IL5RA: variants seen among roughly 807,000 people sequenced by gnomAD.
The protein encoded by IL5RA is interleukin 5 receptor subunit alpha.
IL5RA carries 49 observed loss-of-function variants against 50.0 expected under a neutral mutation model. That is an observed-to-expected ratio of 0.98 (90% CI 0.78 to 1.24). The LOEUF is 1.24. Ranked by LOEUF, IL5RA falls within the 50% of genes most tolerant of loss-of-function variation. The pLI, the probability that IL5RA is intolerant of heterozygous loss-of-function variation, is 0.00. For missense variants in IL5RA, 600 were observed against 500.4 expected, an observed-to-expected ratio of 1.20 and a Z score of -1.90; for synonymous variants, 202 against 174.0, an observed-to-expected ratio of 1.16 and a Z score of -1.26.
At chr3:3,102,918 C>G (rs1703723327) in intron 3 of IL5RA, 98 bp from the exon 4 acceptor site, 2 of 902,620 alleles carry the variant, frequency 2.2e-6, no homozygotes, top group Non-Finnish European at 1.6e-6. Context: ...CAGATGCTGT[C>G]CTGGACCTGC....
At chr3:3,071,145 A>AT (rs2125947354) in intron 11 of IL5RA, among the ~76,000 whole-genome samples, 1 of 152,286 alleles carries the variant, frequency 6.6e-6, no homozygotes, top group East Asian at 1.9e-4. Context: ...CATCCAAAAT[A>AT]TTTTTTACTA....
rs1167632365 is a variant in IL5RA at position 3,091,354 on chromosome 3, A to G, written c.994+870T>C. ...TAAAAGTGTAACAAGTGATGATGCA[A>G]CTGCTCTGTATCTTGACTGTGGTGA... On this transcript the variant is annotated intron_variant, in intron 9 of 11. Transcript: ENST00000446632. Among the ~76,000 whole-genome samples the G allele has an allele frequency of 3.9e-5, 6 of 152,228 alleles. No homozygotes were observed. The East Asian group carries it at 1.2e-3, about 29-fold the overall frequency.
At chr3:3,099,224 C>CGGTG (rs1703516164) in intron 5 of IL5RA, among the ~76,000 whole-genome samples, 1 of 152,160 alleles carries the variant, frequency 6.6e-6, no homozygotes, top group Non-Finnish European at 1.5e-5. Context: ...TGGCCAGGCA[C>CGGTG]GGTGCTCATG....
At chr3:3,071,165 C>CA (rs1209895884) in intron 11 of IL5RA, among the ~76,000 whole-genome samples, 1 of 152,238 alleles carries the variant, frequency 6.6e-6, no homozygotes, top group African/African-American at 2.4e-5. Flanking sequence ...ATCTGCTCCA[C>CA]ACTAGCCACA....
chr3:3,091,982 G>GA (rs1016843059), intron 9 of IL5RA: 60 of 1,212,764 alleles, frequency 4.9e-5, no homozygotes, highest in South Asian at 4.6e-4. Context: ...ACAAAACTTG[G>GA]AAAAAAAACA....
chr3:3,096,278 C>CA (rs1553752099), intron 7 of IL5RA, among the ~76,000 whole-genome samples: 2,513 of 108,444 alleles, frequency 0.023, 29 homozygotes, highest in South Asian at 0.031. Flanking sequence ...AAATCTGTCT[C>CA]AAAAAAAAAA....
At chr3:3,103,113 C>T (rs1348399771) in intron 3 of IL5RA, 2 of 198,086 alleles carry the variant, frequency 1.0e-5, no homozygotes, top group Non-Finnish European at 2.0e-5. Flanking sequence ...GAACTCCTAA[C>T]TTCAAATGAT....
chr3:3,086,299 G>A (rs182823289), intron 9 of IL5RA, among the ~76,000 whole-genome samples: 19 of 152,238 alleles, frequency 1.2e-4, no homozygotes, highest in East Asian at 3.9e-4. Flanking sequence ...CATGGATGGC[G>A]GGAAGAAGAG....
rs963621610 is a variant in IL5RA at position 3,068,539 on chromosome 3, C to T, written c.*1686G>A. On this transcript the variant is annotated 3_prime_UTR_variant, in exon 12 of 12. Transcript: ENST00000446632. ...GTAGTGAGCTAAGATCACATCACTA[C>T]ACTCTAGCCTGGGAGACAGAACAAG... 7.1e-6 allele frequency: 1 copy of T among 141,654 alleles called. No homozygotes were observed. The highest frequency in any genetic ancestry group is 1.5e-5 in the Non-Finnish European group (1 of 66,684). 8.8% of individuals were successfully genotyped at this position (141,654 alleles called of 1,614,324 possible). A position where few individuals can be genotyped will look rare whatever the true frequency, so the allele number is the denominator to read the frequency against.
intron 9 of IL5RA, among the ~76,000 whole-genome samples, chr3:3,077,890 T>G (rs903700930): frequency 6.6e-6 from 1 of 152,246 alleles, no homozygotes; most frequent in African/African-American, 2.4e-5. Flanking sequence ...GTCATCTCCC[T>G]GAATATGAGT....
In IL5RA at chr3:3,092,056, T is replaced by G. The variant is rs1342673906; in HGVS notation, c.994+168A>C. The G allele has an allele frequency of 2.9e-6, 4 of 1,380,754 alleles. No individual in the cohort carries two copies. The Admixed American group carries it at 1.3e-4, about 45-fold the overall frequency. The allele number at this position is 1,380,754 out of a possible 1,614,324, so 85.5% of individuals were successfully genotyped here. ...TAGACACTTAAAAACTTCACTGGCTTCATGGCAAATCTATTCCTGATTGAA... is the reference window on the plus strand; with the variant it reads ...TAGACACTTAAAAACTTCACTGGCTGCATGGCAAATCTATTCCTGATTGAA... On this transcript the variant is annotated intron_variant, in intron 9 of 11. Transcript: ENST00000446632. The surrounding 1 kb of genome is among the most constrained non-coding windows in gnomAD (Gnocchi z 4.2).
chr3:3,089,957 G>A, intron 9 of IL5RA: 1 of 414,698 alleles, frequency 2.4e-6, no homozygotes, highest in Non-Finnish European at 4.3e-6. Flanking sequence ...GCACTTTAAA[G>A]CTTGCAGAAT....
chr3:3,105,307 C>T (rs779347410), intron 2 of IL5RA, among the ~76,000 whole-genome samples: 8 of 152,094 alleles, frequency 5.3e-5, no homozygotes, highest in Non-Finnish European at 1.0e-4. Context: ...GAGTCCTTGA[C>T]GCACACAACA....
At chr3:3,101,259 T>C (rs6808378) in intron 5 of IL5RA, among the ~76,000 whole-genome samples, 120,322 of 151,744 alleles carry the variant, frequency 0.79, 47,823 homozygotes, top group South Asian at 0.9. Context: ...GGTATGGTCT[T>C]TTCAGCTGGT....
intron 9 of IL5RA, chr3:3,091,671 G>T (rs1402174980): frequency 6.6e-6 from 1 of 152,400 alleles, no homozygotes; most frequent in Non-Finnish European, 1.5e-5. Flanking sequence ...GGCAGAGGTT[G>T]CAGTAAGCTG....
chr3:3,093,107 G>C (rs17879627), intron 8 of IL5RA, among the ~76,000 whole-genome samples: 1 of 152,182 alleles, frequency 6.6e-6, no homozygotes, highest in African/African-American at 2.4e-5. Flanking sequence ...CCATTGCCCA[G>C]AGTCATGGTT....
At chr3:3,076,771 C>T (rs1702501143) in intron 9 of IL5RA, 144 bp from the exon 10 acceptor site, 1 of 553,572 alleles carries the variant, frequency 1.8e-6, no homozygotes, top group Non-Finnish European at 3.3e-6. Context: ...GCTTAACTTC[C>T]CTGAGCCTAA....
At chr3:3,088,204 G>T (rs748815941) in intron 9 of IL5RA, among the ~76,000 whole-genome samples, 1 of 152,174 alleles carries the variant, frequency 6.6e-6, no homozygotes. Flanking sequence ...ATAAGCGCTC[G>T]TTATGGATCA....
intron 2 of IL5RA, among the ~76,000 whole-genome samples, chr3:3,108,217 C>T (rs942812887): frequency 2.0e-5 from 3 of 152,138 alleles, no homozygotes; most frequent in Admixed American, 2.0e-4. Flanking sequence ...GACATGTTTA[C>T]CTAGGTATAT....
Sources: gnomAD v4.1 joint callset for allele counts (sites outside exome capture counted in the v4.1 genomes callset) on GRCh38, gnomAD v4.1.1 for gene constraint, Gnocchi (gnomAD v3.1) non-coding constraint, MANE v1.5 for transcripts, NCBI Gene and HGNC (gene_info 2026-07-23, HGNC 2026-07-21) for gene names.